Variants in FAM177A1 observed in about 807,000 individuals in gnomAD.
FAM177A1 encodes the protein protein FAM177A1.
A neutral mutation model predicts 26.1 loss-of-function variants in FAM177A1; 22 were observed. The ratio of observed to expected loss-of-function variants is 0.84; its 90% CI spans 0.60 to 1.20. The LOEUF (loss-of-function observed/expected upper bound fraction) is 1.20. FAM177A1 is among the 50% of genes most tolerant of loss of function. The probability of loss-of-function intolerance (pLI) is 0.00; values close to 1 mark genes in which losing one functional copy is unlikely to be tolerated. For synonymous variants in FAM177A1, 95 were observed against 99.3 expected (o/e 0.96, Z 0.26); for missense variants, 296 against 291.1 (o/e 1.02, Z -0.12).
chr14:35,046,742 G>C, intron 1 of FAM177A1, 114 bp downstream of exon 1: 1 of 1,417,208 alleles, frequency 7.1e-7, no homozygotes, highest in Non-Finnish European at 9.2e-7. Context: ...CCCCAGCTTT[G>C]GAGTTCCTCC....
intron 3 of FAM177A1, among the ~76,000 whole-genome samples, chr14:35,077,631 C>T (rs927247859): frequency 1.3e-5 from 2 of 151,254 alleles, no homozygotes; most frequent in African/African-American, 4.9e-5. Flanking sequence ...CACAGGCGCC[C>T]GCCACCGCGC....
chr14:35,061,448 C>A (rs1294196378), intron 2 of FAM177A1, among the ~76,000 whole-genome samples: 2 of 144,128 alleles, frequency 1.4e-5, no homozygotes, highest in Admixed American at 1.4e-4. Context: ...GAGGTGGGGT[C>A]AGTAGCTTTA....
At chr14:35,052,054 G>C (rs927432786) in intron 1 of FAM177A1, among the ~76,000 whole-genome samples, 1 of 152,118 alleles carries the variant, frequency 6.6e-6, no homozygotes, top group Non-Finnish European at 1.5e-5. Context: ...TACGAACATA[G>C]ACTGTAATCA....
At chr14:35,056,602 CCT>C (rs2045065735) in intron 2 of FAM177A1, among the ~76,000 whole-genome samples, 1 of 152,026 alleles carries the variant, frequency 6.6e-6, no homozygotes, top group African/African-American at 2.4e-5. Flanking sequence ...CAAATGATCC[CCT>C]GTCTCAGCCT....
rs200183172 is a variant in FAM177A1 at position 35,078,912 on chromosome 14, C to T, written c.407-15C>T. Reference sequence around the variant, plus strand: ...TTATAGAATTATATAAGTCTTTTAACTTTTGTATTTTCAGTGTGTGACTTC... The same window carrying T: ...TTATAGAATTATATAAGTCTTTTAATTTTTGTATTTTCAGTGTGTGACTTC... On this transcript the variant is annotated splice_polypyrimidine_tract_variant and intron_variant, in intron 3 of 4. Coordinates refer to ENST00000280987, the MANE Select transcript of FAM177A1 (RefSeq NM_173607.5). 16 of 1,508,326 alleles carry T rather than the reference C, an allele frequency of 1.1e-5. No individual in the cohort carries two copies. The highest frequency in any genetic ancestry group is 9.7e-6 in the Non-Finnish European group (11 of 1,138,368). 93.4% of individuals were successfully genotyped at this position (1,508,326 alleles called of 1,614,324 possible). A position where few individuals can be genotyped will look rare whatever the true frequency, so the allele number is the denominator to read the frequency against.
intron 4 of FAM177A1, among the ~76,000 whole-genome samples, chr14:35,080,536 C>A (rs2045464625): frequency 6.6e-6 from 1 of 152,170 alleles, no homozygotes; most frequent in Non-Finnish European, 1.5e-5. Context: ...CGCGGTGGCT[C>A]ATGCCTGTAA....
Position 35,080,969 on chromosome 14 carries a change from A to AC in FAM177A1, c.505-51dup, listed in dbSNP as rs2045472824. ...GACAGTGGGGAAAACAGCACTATAT[A>AC]CCTTTTGGACTTTCGTATTTCAACT... On this transcript the variant is annotated intron_variant, in intron 4 of 4. Transcript: ENST00000280987. The AC allele has an allele frequency of 3.3e-6, 5 of 1,510,878 alleles. No individual in the cohort carries two copies. The Admixed American group carries it at 1.1e-4, about 34-fold the overall frequency. The allele number at this position is 1,510,878 out of a possible 1,614,324, so 93.6% of individuals were successfully genotyped here. A position where few individuals can be genotyped will look rare whatever the true frequency, so the allele number is the denominator to read the frequency against.
intron 1 of FAM177A1, 105 bp downstream of exon 1, chr14:35,046,733 C>T (rs546015694): frequency 7.0e-7 from 1 of 1,421,502 alleles, no homozygotes; most frequent in Non-Finnish European, 9.2e-7. Context: ...AGCAGGCCGC[C>T]CCAGCTTTGG....
At chr14:35,064,097 A>AG (rs1216433857) in intron 2 of FAM177A1, among the ~76,000 whole-genome samples, 1 of 145,874 alleles carries the variant, frequency 6.9e-6, no homozygotes, top group Non-Finnish European at 1.5e-5. Context: ...TGCCTTTAAG[A>AG]GTGCAATGGG....
chr14:35,075,063 A>C (rs2045374736), intron 2 of FAM177A1, among the ~76,000 whole-genome samples: 1 of 152,108 alleles, frequency 6.6e-6, no homozygotes, highest in Non-Finnish European at 1.5e-5. Flanking sequence ...AACAATTATT[A>C]ATGCATTTGA....
intron 2 of FAM177A1, among the ~76,000 whole-genome samples, chr14:35,067,983 A>G (rs1210178345): frequency 6.6e-6 from 1 of 152,040 alleles, no homozygotes; most frequent in South Asian, 2.1e-4. Flanking sequence ...TTGTCACTTC[A>G]CTGTGTTGAT....
intron 2 of FAM177A1, among the ~76,000 whole-genome samples, chr14:35,062,880 GTT>G (rs78710117): frequency 4.4e-5 from 6 of 135,022 alleles, no homozygotes; most frequent in Non-Finnish European, 9.6e-5. Flanking sequence ...TTTATTTGCG[GTT>G]TTTTTTTTTT....
At chr14:35,069,674 A>C (rs2045289116) in intron 2 of FAM177A1, among the ~76,000 whole-genome samples, 1 of 152,312 alleles carries the variant, frequency 6.6e-6, no homozygotes, top group Admixed American at 6.5e-5. Flanking sequence ...CTCTTAATAC[A>C]TCATAAATAT....
chr14:35,059,457 T>A, intron 2 of FAM177A1, among the ~76,000 whole-genome samples: 1 of 152,074 alleles, frequency 6.6e-6, no homozygotes, highest in African/African-American at 2.4e-5. Flanking sequence ...TTTCTATGTC[T>A]CATGTCTTTT....
intron 2 of FAM177A1, among the ~76,000 whole-genome samples, chr14:35,074,008 C>CA (rs2138564924): frequency 6.6e-6 from 1 of 152,318 alleles, no homozygotes; most frequent in Non-Finnish European, 1.5e-5. Context: ...GTTTTGTTGA[C>CA]ATTTTTAAAG....
chr14:35,066,254 G>T (rs2045239325), intron 2 of FAM177A1, among the ~76,000 whole-genome samples: 1 of 151,240 alleles, frequency 6.6e-6, no homozygotes, highest in Non-Finnish European at 1.5e-5. Context: ...TTTTTGTAGA[G>T]ATAAGGTCTC....
chr14:35,075,908 G>C (rs578206842), intron 2 of FAM177A1, among the ~76,000 whole-genome samples: 1 of 152,316 alleles, frequency 6.6e-6, no homozygotes, highest in South Asian at 2.1e-4. Context: ...TCTCACACCA[G>C]TTAGAATGGC....
intron 2 of FAM177A1, among the ~76,000 whole-genome samples, chr14:35,062,830 A>G (rs550416259): frequency 6.7e-6 from 1 of 149,954 alleles, no homozygotes; most frequent in Non-Finnish European, 1.5e-5. Context: ...ATATGGTAGT[A>G]TTAATTAATA....
At chr14:35,065,837 A>G (rs1360014942) in intron 2 of FAM177A1, among the ~76,000 whole-genome samples, 1 of 151,414 alleles carries the variant, frequency 6.6e-6, no homozygotes, top group African/African-American at 2.4e-5. Context: ...GATTACAGGT[A>G]CCTGCCACCA....
Sources: allele counts gnomAD v4.1 joint callset (sites outside exome capture counted in the v4.1 genomes callset), GRCh38; gene constraint gnomAD v4.1.1; transcripts MANE v1.5; gene names NCBI Gene and HGNC (gene_info 2026-07-23, HGNC 2026-07-21).